The following RORB variants were observed in gnomAD, a reference collection of about 807,000 sequenced individuals.
The protein encoded by RORB is nuclear receptor ROR-beta.
Under a neutral mutation model 59.1 loss-of-function variants are expected in RORB, and 6 were observed. That is an observed-to-expected ratio of 0.10 (90% CI 0.06 to 0.20). The LOEUF is 0.20. Among genes scored for constraint, RORB ranks in the 10% least tolerant of loss-of-function variants. The pLI, the probability that RORB is intolerant of heterozygous loss-of-function variation, is 1.00. For synonymous variants in RORB, 215 were observed against 204.5 expected, an observed-to-expected ratio of 1.05 and a Z score of -0.44; for missense variants, 320 against 560.5, an observed-to-expected ratio of 0.57 and a Z score of 4.33.
chr9:74,682,324 C>G (rs563597476), intron 9 of RORB, among the ~76,000 whole-genome samples: 1 of 150,610 alleles, frequency 6.6e-6, no homozygotes, highest in African/African-American at 2.4e-5. Flanking sequence ...TGGAGATATA[C>G]CTAATGTTAA....
chr9:74,578,274 G>A (rs1044119999), intron 1 of RORB, among the ~76,000 whole-genome samples: 4 of 152,124 alleles, frequency 2.6e-5, no homozygotes, highest in African/African-American at 9.7e-5. Context: ...GGTCTAGAAA[G>A]GGGACAAGAT....
intron 1 of RORB, among the ~76,000 whole-genome samples, chr9:74,565,334 TTTC>T (rs1231228724): frequency 6.6e-6 from 1 of 152,176 alleles, no homozygotes; most frequent in African/African-American, 2.4e-5. Context: ...TTTCTAACTG[TTTC>T]TTCTTTGGTT....
chr9:74,608,336 C>T (rs979137540), intron 1 of RORB, among the ~76,000 whole-genome samples: 5 of 151,952 alleles, frequency 3.3e-5, no homozygotes, highest in South Asian at 2.1e-4. Flanking sequence ...GAGGCCGAGG[C>T]GGGCGGATCA....
At chr9:74,554,222 C>T (rs1276720441) in intron 1 of RORB, among the ~76,000 whole-genome samples, 1 of 152,134 alleles carries the variant, frequency 6.6e-6, no homozygotes, top group African/African-American at 2.4e-5. Flanking sequence ...GGTGATCCAG[C>T]TTAGCATCAA....
At chr9:74,610,909 C>T (rs531498504) in intron 1 of RORB, among the ~76,000 whole-genome samples, 1 of 152,306 alleles carries the variant, frequency 6.6e-6, no homozygotes, top group East Asian at 1.9e-4. Flanking sequence ...CCCAGTGATG[C>T]CGCTGACTTT....
At chr9:74,659,801 T>C (rs1824150961) in intron 4 of RORB, among the ~76,000 whole-genome samples, 1 of 152,186 alleles carries the variant, frequency 6.6e-6, no homozygotes, top group South Asian at 2.1e-4. Context: ...CCCAAAATGA[T>C]TGGTATTTAA....
intron 1 of RORB, among the ~76,000 whole-genome samples, chr9:74,586,689 C>T (rs1386307170): frequency 6.7e-6 from 1 of 149,308 alleles, no homozygotes; most frequent in Non-Finnish European, 1.5e-5. Flanking sequence ...TCTTATGCTA[C>T]TCCACATGGA....
intron 1 of RORB, among the ~76,000 whole-genome samples, chr9:74,627,563 C>T (rs950457950): frequency 6.6e-6 from 1 of 152,074 alleles, no homozygotes; most frequent in Admixed American, 6.6e-5. Flanking sequence ...TCTTGTCACA[C>T]CCCAGGGGGC....
chr9:74,592,273 C>A (rs1563946482), intron 1 of RORB, among the ~76,000 whole-genome samples: 2 of 152,100 alleles, frequency 1.3e-5, no homozygotes, highest in African/African-American at 4.8e-5. Flanking sequence ...ATTAAAAATT[C>A]AAATTATCAG....
intron 1 of RORB, among the ~76,000 whole-genome samples, chr9:74,509,391 A>T (rs1368774024): frequency 2.6e-5 from 4 of 152,060 alleles, no homozygotes; most frequent in African/African-American, 9.7e-5. Flanking sequence ...ATATTTCAAA[A>T]TTTTGAAAAA....
At chr9:74,606,317 A>G (rs188216499) in intron 1 of RORB, among the ~76,000 whole-genome samples, 1 of 152,308 alleles carries the variant, frequency 6.6e-6, no homozygotes, top group Non-Finnish European at 1.5e-5. Context: ...AAGTAGACTA[A>G]ACTCCTGTTT....
At chr9:74,611,302 A>G (rs1823227804) in intron 1 of RORB, among the ~76,000 whole-genome samples, 1 of 152,188 alleles carries the variant, frequency 6.6e-6, no homozygotes, top group African/African-American at 2.4e-5. Context: ...CAAAGTGACA[A>G]TTAAATGCCA....
intron 1 of RORB, among the ~76,000 whole-genome samples, chr9:74,501,003 T>C (rs1233421299): frequency 1.3e-5 from 2 of 152,290 alleles, no homozygotes; most frequent in Admixed American, 6.5e-5. Flanking sequence ...GGACCTTTAA[T>C]TGGGCCCATC....
At chr9:74,640,433 CTGTGTG>C (rs71368671) in intron 3 of RORB, among the ~76,000 whole-genome samples, 1 of 148,328 alleles carries the variant, frequency 6.7e-6, no homozygotes, top group Admixed American at 6.7e-5. Context: ...TCGGCTAATT[CTGTGTG>C]TGTGTGTGTG....
At chr9:74,537,495 G>GA (rs961055576) in intron 1 of RORB, among the ~76,000 whole-genome samples, 2 of 150,774 alleles carry the variant, frequency 1.3e-5, no homozygotes, top group East Asian at 1.9e-4. Context: ...AACAAGAGTT[G>GA]AAAAAAAATC....
intron 1 of RORB, among the ~76,000 whole-genome samples, chr9:74,510,415 G>A (rs1825921054): frequency 6.6e-6 from 1 of 152,136 alleles, no homozygotes; most frequent in Non-Finnish European, 1.5e-5. Flanking sequence ...AATCCTGTCA[G>A]TCTGTTCTGC....
intron 9 of RORB, 41 bp from the exon 10 acceptor site, chr9:74,685,422 G>T: frequency 6.5e-7 from 1 of 1,542,202 alleles, no homozygotes; most frequent in South Asian, 1.2e-5. Context: ...GCACTAATGA[G>T]CTTCCCTCTC....
chr9:74,588,541 A>G (rs1285285231), intron 1 of RORB, among the ~76,000 whole-genome samples: 1 of 152,196 alleles, frequency 6.6e-6, no homozygotes, highest in Non-Finnish European at 1.5e-5. Context: ...AATAAATGCC[A>G]ATATATATGG....
intron 1 of RORB, among the ~76,000 whole-genome samples, chr9:74,557,038 T>G (rs1190099571): frequency 1.3e-5 from 2 of 152,074 alleles, no homozygotes; most frequent in Non-Finnish European, 2.9e-5. Context: ...TTCTACCCAC[T>G]AGTACCTCCC....
Sources: allele counts gnomAD v4.1 joint callset (sites outside exome capture counted in the v4.1 genomes callset), GRCh38; gene constraint gnomAD v4.1.1; transcripts MANE v1.5; gene names NCBI Gene and HGNC (gene_info 2026-07-23, HGNC 2026-07-21).